Variants in MCTP1 observed in about 807,000 individuals in gnomAD.
MCTP1 encodes the protein multiple C2 and transmembrane domain-containing protein 1.
Under a neutral mutation model 120.6 loss-of-function variants are expected in MCTP1, and 69 were observed. The observed-to-expected ratio is 0.57, with a 90% CI of 0.47 to 0.70. The LOEUF (loss-of-function observed/expected upper bound fraction) is 0.70, where lower values mean the gene tolerates loss of function less well. Among genes scored for constraint, MCTP1 ranks in the 30% least tolerant of loss-of-function variants. The pLI is 0.00. For synonymous variants in MCTP1, 529 were observed against 493.1 expected (o/e 1.07, Z -0.96); for missense variants, 1,203 against 1,248.8 (o/e 0.96, Z 0.55).
At chr5:94,903,009 T>A (rs531278750) in intron 10 of MCTP1, among the ~76,000 whole-genome samples, 1 of 152,174 alleles carries the variant, frequency 6.6e-6, no homozygotes, top group African/African-American at 2.4e-5. Flanking sequence ...CAGTAACTCA[T>A]GAAAGAAAAG....
chr5:94,719,986 C>T (rs899874218), intron 19 of MCTP1, among the ~76,000 whole-genome samples: 9 of 151,814 alleles, frequency 5.9e-5, no homozygotes, highest in Non-Finnish European at 1.2e-4. Context: ...ATTAGCCGGG[C>T]GTGGTGGTGC....
intron 1 of MCTP1, among the ~76,000 whole-genome samples, chr5:95,266,986 G>A (rs1341430845): frequency 6.6e-6 from 1 of 152,180 alleles, no homozygotes; most frequent in Non-Finnish European, 1.5e-5. Context: ...GTAATGGTGA[G>A]CTTTAACACA....
In MCTP1 at chr5:94,894,957, A is replaced by G. The variant is rs181666573; in HGVS notation, c.1653-122T>C. Reference sequence around the variant, plus strand: ...ATATTATTTGGACCATTGGAAGAATACATCTTTCAAGTCAGCTGACTTTCT... The same window carrying G: ...ATATTATTTGGACCATTGGAAGAATGCATCTTTCAAGTCAGCTGACTTTCT... On this transcript the variant is annotated intron_variant, in intron 10 of 22. Transcript: ENST00000515393. 1.9e-3 allele frequency: 1,149 copies of G among 606,632 alleles called. 6 individuals carry two copies. The highest frequency in any genetic ancestry group is 2.7e-3 in the Non-Finnish European group (983 of 366,356). 37.6% of individuals were successfully genotyped at this position (606,632 alleles called of 1,614,324 possible). A position where few individuals can be genotyped will look rare whatever the true frequency, so the allele number is the denominator to read the frequency against.
At chr5:95,230,291 C>T (rs576230512) in intron 1 of MCTP1, among the ~76,000 whole-genome samples, 29 of 151,672 alleles carry the variant, frequency 1.9e-4, no homozygotes, top group African/African-American at 3.9e-4. Flanking sequence ...ACCCTCATAA[C>T]AATCCAATGA....
intron 16 of MCTP1, 130 bp from the exon 17 acceptor site, chr5:94,868,582 A>C: frequency 1.7e-6 from 1 of 573,452 alleles, no homozygotes. Context: ...GAAAATACCA[A>C]ACAATTTGGC....
At chr5:95,160,590 C>CA (rs1745614460) in intron 1 of MCTP1, among the ~76,000 whole-genome samples, 1 of 151,892 alleles carries the variant, frequency 6.6e-6, no homozygotes, top group Non-Finnish European at 1.5e-5. Flanking sequence ...GCAACAAAAG[C>CA]AAAAATAAAC....
At chr5:95,061,561 A>G (rs947283453) in intron 1 of MCTP1, among the ~76,000 whole-genome samples, 7 of 148,596 alleles carry the variant, frequency 4.7e-5, no homozygotes, top group East Asian at 3.9e-4. Flanking sequence ...TCAGCCTCCA[A>G]AGTAGCTGGG....
intron 1 of MCTP1, among the ~76,000 whole-genome samples, chr5:95,149,796 A>G (rs3852194): frequency 0.39 from 58,986 of 151,980 alleles, 13,490 homozygotes; most frequent in Non-Finnish European, 0.52. Context: ...GGTTCTCTCT[A>G]TCAGTCTAGA....
intron 2 of MCTP1, among the ~76,000 whole-genome samples, chr5:95,011,740 T>C (rs1836003652): frequency 6.6e-6 from 1 of 152,160 alleles, no homozygotes; most frequent in African/African-American, 2.4e-5. Context: ...TAATTAAACC[T>C]CTTTTCTTCC....
intron 1 of MCTP1, among the ~76,000 whole-genome samples, chr5:95,066,435 T>A (rs1311055978): frequency 1.3e-5 from 2 of 152,092 alleles, no homozygotes; most frequent in Non-Finnish European, 1.5e-5. Context: ...GAGAAAACAG[T>A]ACAGAGGTTC....
At chr5:95,144,574 T>C (rs1332408351) in intron 1 of MCTP1, among the ~76,000 whole-genome samples, 1 of 152,150 alleles carries the variant, frequency 6.6e-6, no homozygotes, top group Non-Finnish European at 1.5e-5. Context: ...AGTTACTGTA[T>C]ATGGTGGAAT....
intron 2 of MCTP1, among the ~76,000 whole-genome samples, chr5:94,976,154 G>C (rs1283539983): frequency 6.6e-6 from 1 of 152,062 alleles, no homozygotes; most frequent in Admixed American, 6.6e-5. Flanking sequence ...CAAGAGTACT[G>C]TGCTACCACT....
At chr5:94,731,654 A>T (rs1321435865) in intron 19 of MCTP1, among the ~76,000 whole-genome samples, 1 of 152,198 alleles carries the variant, frequency 6.6e-6, no homozygotes, top group Non-Finnish European at 1.5e-5. Flanking sequence ...GTTGATAGAA[A>T]TTATTTTGAA....
chr5:94,840,974 G>T (rs1790891632), intron 17 of MCTP1, among the ~76,000 whole-genome samples: 1 of 152,152 alleles, frequency 6.6e-6, no homozygotes, highest in Non-Finnish European at 1.5e-5. Context: ...ACCCTTAGTG[G>T]CCACTTGGCC....
intron 9 of MCTP1, among the ~76,000 whole-genome samples, chr5:94,909,966 C>T (rs181513949): frequency 1.1e-3 from 163 of 152,050 alleles, no homozygotes; most frequent in African/African-American, 3.8e-3. Context: ...GATGGATAAG[C>T]TGAGACCTAG....
At chr5:95,150,103 C>A (rs903964625) in intron 1 of MCTP1, among the ~76,000 whole-genome samples, 2 of 152,160 alleles carry the variant, frequency 1.3e-5, no homozygotes, top group African/African-American at 4.8e-5. Context: ...TCAGCCCCTT[C>A]TAGTCAGTCA....
chr5:94,894,814 G>T lies in MCTP1; in HGVS notation c.1674C>A (p.Ala558=). 1 of 1,594,080 alleles carries T rather than the reference G, an allele frequency of 6.3e-7. No individual in the cohort carries two copies. ...GCTTGTGCGTCTGTTCCCTACTGAG[G>T]GCTGACAGGTCGACCTGGCACCTAG... The part of the protein sequence containing the change: ...FIGRCQVDLS[A]LSREQTHKLE... The change falls in exon 11 of 23, where the codon GCC becomes GCA. Residue 558 remains alanine, a synonymous_variant. Coordinates refer to ENST00000515393, the MANE Select transcript of MCTP1 (RefSeq NM_024717.7).
At chr5:94,711,454 A>G (rs1026219283) in intron 20 of MCTP1, among the ~76,000 whole-genome samples, 2 of 152,154 alleles carry the variant, frequency 1.3e-5, no homozygotes, top group African/African-American at 4.8e-5. Flanking sequence ...TACCTCAGCT[A>G]TGTTTGAAAT....
At chr5:95,043,573 G>A (rs564069335) in intron 1 of MCTP1, among the ~76,000 whole-genome samples, 2 of 152,154 alleles carry the variant, frequency 1.3e-5, no homozygotes, top group South Asian at 2.1e-4. Context: ...AATCCAGGGT[G>A]AGGAGTCATG....
Sources: allele counts gnomAD v4.1 joint callset (sites outside exome capture counted in the v4.1 genomes callset), GRCh38; gene constraint gnomAD v4.1.1; transcripts MANE v1.5; gene names NCBI Gene and HGNC (gene_info 2026-07-23, HGNC 2026-07-21).